RNF150: variants seen among roughly 807,000 people sequenced by gnomAD.
RNF150 encodes the protein ring finger protein 150.
RNF150 carries 24 observed loss-of-function variants against 39.3 expected under a neutral mutation model. The ratio of observed to expected loss-of-function variants is 0.61; its 90% CI spans 0.44 to 0.86. The LOEUF is 0.86. RNF150 is among the 40% of genes least tolerant of loss of function. The pLI is 0.00. For synonymous variants in RNF150, 255 were observed against 227.3 expected (o/e 1.12, Z -1.10); for missense variants, 502 against 587.8 (o/e 0.85, Z 1.51).
intron 1 of RNF150, among the ~76,000 whole-genome samples, chr4:141,062,072 C>T (rs1258363654): frequency 6.6e-6 from 1 of 152,062 alleles, no homozygotes; most frequent in African/African-American, 2.4e-5. Flanking sequence ...TGATTTCATA[C>T]AGTTTGAAGA....
intron 1 of RNF150, among the ~76,000 whole-genome samples, chr4:141,037,829 G>A (rs527868961): frequency 1.3e-5 from 2 of 152,152 alleles, no homozygotes; most frequent in Non-Finnish European, 2.9e-5. Flanking sequence ...AGTTAATGGG[G>A]CACTATGTAC....
At chr4:140,979,799 AC>A (rs917021414) in intron 1 of RNF150, among the ~76,000 whole-genome samples, 55 of 152,226 alleles carry the variant, frequency 3.6e-4, no homozygotes, top group African/African-American at 1.3e-3. Context: ...TAAACTTTCC[AC>A]CTGTTTTGGT....
At chr4:140,949,468 A>G (rs1160139498) in intron 2 of RNF150, 96 bp from the exon 3 acceptor site, 4 of 995,488 alleles carry the variant, frequency 4.0e-6, no homozygotes, top group East Asian at 4.8e-5. Context: ...TAGCTCTGAA[A>G]TCATGCACAT....
At chr4:140,878,524 T>A (rs1300951309) in intron 6 of RNF150, among the ~76,000 whole-genome samples, 1 of 152,198 alleles carries the variant, frequency 6.6e-6, no homozygotes, top group Non-Finnish European at 1.5e-5. Flanking sequence ...GTTAAGTATC[T>A]TTTTTATGCT....
chr4:140,878,027 TGTG>T (rs1325578896), intron 6 of RNF150, among the ~76,000 whole-genome samples: 3 of 152,184 alleles, frequency 2.0e-5, no homozygotes, highest in African/African-American at 7.2e-5. Flanking sequence ...AAGTGTTGGC[TGTG>T]GTTTCAATGA....
chr4:140,932,564 G>C (rs1374075616), intron 4 of RNF150, among the ~76,000 whole-genome samples: 2 of 152,190 alleles, frequency 1.3e-5, no homozygotes, highest in African/African-American at 2.4e-5. Context: ...CACAGGTAAG[G>C]GGGGTAGTTG....
At chr4:140,929,618 G>A (rs1425925160) in intron 4 of RNF150, among the ~76,000 whole-genome samples, 2 of 151,690 alleles carry the variant, frequency 1.3e-5, no homozygotes, top group Admixed American at 6.6e-5. Context: ...CACTTGCCTC[G>A]GCCTCCCAAA....
chr4:140,919,218 T>C (rs1417960617), intron 5 of RNF150, among the ~76,000 whole-genome samples: 2 of 143,320 alleles, frequency 1.4e-5, no homozygotes, highest in African/African-American at 5.2e-5. Context: ...ATAAAGGGTA[T>C]TCAATTAGGA....
chr4:141,049,993 T>C (rs2110886767), intron 1 of RNF150, among the ~76,000 whole-genome samples: 1 of 152,140 alleles, frequency 6.6e-6, no homozygotes, highest in South Asian at 2.1e-4. Flanking sequence ...GCCAAATTAA[T>C]TTAAAATTTA....
chr4:141,111,650 G>C (rs756677815), intron 1 of RNF150, among the ~76,000 whole-genome samples: 22 of 152,136 alleles, frequency 1.4e-4, no homozygotes, highest in Non-Finnish European at 2.6e-4. Flanking sequence ...ACGAATTCCT[G>C]AGCATGAGGA....
chr4:141,153,553 C>G (rs1727335411), intron 1 of RNF150, among the ~76,000 whole-genome samples: 1 of 151,914 alleles, frequency 6.6e-6, no homozygotes, highest in Admixed American at 6.6e-5. Flanking sequence ...CTAAAGACAC[C>G]CAGTCTGTGG....
intron 1 of RNF150, among the ~76,000 whole-genome samples, chr4:140,979,556 T>A (rs994258565): frequency 1.3e-5 from 2 of 151,864 alleles, no homozygotes; most frequent in Non-Finnish European, 2.9e-5. Flanking sequence ...ATTATCATCA[T>A]CAACATTTAT....
intron 1 of RNF150, among the ~76,000 whole-genome samples, chr4:141,056,923 T>C (rs755274846): frequency 1.3e-5 from 2 of 152,164 alleles, no homozygotes; most frequent in Non-Finnish European, 2.9e-5. Flanking sequence ...ATAACTGTTT[T>C]TTTAAAAATA....
chr4:141,110,877 C>T (rs767273687), intron 1 of RNF150, among the ~76,000 whole-genome samples: 9 of 152,126 alleles, frequency 5.9e-5, no homozygotes, highest in African/African-American at 9.7e-5. Context: ...TCCTGCAACT[C>T]CTACTCATTA....
Position 140,865,845 on chromosome 4 carries a change from C to T in RNF150, c.*2416G>A, listed in dbSNP as rs1186068987. On this transcript the variant is annotated 3_prime_UTR_variant, in exon 7 of 7. Transcript: ENST00000515673. ...AAACAATCCAAAGCGCATTCTCTCT[C>T]TGGGAATGGAATATAATTTATATTT... is the stretch of plus-strand genomic sequence containing the variant. The T allele has an allele frequency of 6.6e-6, 1 of 152,582 alleles. No individual in the cohort carries two copies. Among genetic ancestry groups the T allele is most frequent in the Non-Finnish European group, 1.5e-5 (1 of 68,048 alleles). The allele number at this position is 152,582 out of a possible 1,614,324, so 9.5% of individuals were successfully genotyped here. A position where few individuals can be genotyped will look rare whatever the true frequency, so the allele number is the denominator to read the frequency against.
chr4:140,987,397 A>C (rs1454387900), intron 1 of RNF150, among the ~76,000 whole-genome samples: 1 of 152,036 alleles, frequency 6.6e-6, no homozygotes, highest in African/African-American at 2.4e-5. Context: ...CAAACTGTAC[A>C]AAAACTGGTA....
intron 1 of RNF150, among the ~76,000 whole-genome samples, chr4:141,107,170 C>T (rs552889069): frequency 6.6e-6 from 1 of 152,232 alleles, no homozygotes; most frequent in South Asian, 2.1e-4. Context: ...AGTTAGCATG[C>T]AGAATCACAG....
chr4:141,186,445 C>T (rs969811061), intron 1 of RNF150, among the ~76,000 whole-genome samples: 1 of 152,144 alleles, frequency 6.6e-6, no homozygotes, highest in Non-Finnish European at 1.5e-5. Flanking sequence ...TTTGCCCAGG[C>T]TGGAGTGCAG....
At chr4:141,149,757 G>A (rs184621984) in intron 1 of RNF150, among the ~76,000 whole-genome samples, 2 of 152,288 alleles carry the variant, frequency 1.3e-5, no homozygotes, top group East Asian at 1.9e-4. Context: ...ACTCAATAGT[G>A]GGATTTCTGG....
Sources: gnomAD v4.1 joint callset for allele counts (sites outside exome capture counted in the v4.1 genomes callset) on GRCh38, gnomAD v4.1.1 for gene constraint, MANE v1.5 for transcripts, NCBI Gene and HGNC (gene_info 2026-07-23, HGNC 2026-07-21) for gene names.